The following USP34 variants were observed in gnomAD, a reference collection of about 807,000 sequenced individuals.
The protein encoded by USP34 is ubiquitin specific peptidase 34, also known as ubiquitin carboxyl-terminal hydrolase 34.
Under a neutral mutation model 460.3 loss-of-function variants are expected in USP34, and 70 were observed. That is an observed-to-expected ratio of 0.15 (90% CI 0.13 to 0.19). The LOEUF (loss-of-function observed/expected upper bound fraction) is 0.19. USP34 is among the 10% of genes least tolerant of loss of function. The pLI is 1.00. For synonymous variants in USP34, 1,647 were observed against 1,405.3 expected (o/e 1.17, Z -3.85); for missense variants, 3,985 against 4,236.2 (o/e 0.94, Z 1.65).
chr2:61,348,485 A>G lies in USP34; in HGVS notation c.1675-5T>C, dbSNP rs1266909563. On this transcript the variant is annotated splice_polypyrimidine_tract_variant and splice_region_variant and intron_variant, in intron 14 of 79. Transcript: ENST00000398571. ...AGAACTTCCCTGCATGGATTCCTGTATTTTGAAACAAATAGATTTAAATAA... is the reference window on the plus strand; with the variant it reads ...AGAACTTCCCTGCATGGATTCCTGTGTTTTGAAACAAATAGATTTAAATAA... The G allele has an allele frequency of 3.1e-6, 5 of 1,603,520 alleles. No homozygotes were observed. The East Asian group carries it at 6.7e-5, about 21-fold the overall frequency.
chr2:61,212,338 C>T (rs957201975), intron 68 of USP34, among the ~76,000 whole-genome samples: 2 of 152,202 alleles, frequency 1.3e-5, no homozygotes, highest in East Asian at 3.8e-4. Flanking sequence ...GCTTAAAGCA[C>T]TACTTTTGTA....
Position 61,190,574 on chromosome 2 carries a change from T to C in USP34, c.9673A>G (p.Arg3225Gly). The C allele has an allele frequency of 6.2e-7, 1 of 1,614,144 alleles. No homozygotes were observed. The highest frequency in any genetic ancestry group is 8.5e-7 in the Non-Finnish European group (1 of 1,180,002). ...EYIKCILMDE[R>G]TFLNNNIVYT... ...ACAATGTTGTTGTTTAAAAAAGTTCTTTCATCCATTAGGATACATTTAATA... is the reference window on the plus strand; with the variant it reads ...ACAATGTTGTTGTTTAAAAAAGTTCCTTCATCCATTAGGATACATTTAATA... The change falls in exon 77 of 80, where the codon AGA (arginine) becomes GGA (glycine). Residue 3225 changes from arginine to glycine, a missense_variant. Coordinates refer to ENST00000398571, the MANE Select transcript of USP34 (RefSeq NM_014709.4).
chr2:61,284,986 T>C (rs751084781), intron 34 of USP34, 29 bp from the exon 35 acceptor site: 6 of 1,555,278 alleles, frequency 3.9e-6, no homozygotes, highest in Admixed American at 1.8e-5. Flanking sequence ...TTAAAAGATA[T>C]TTAAATACAG....
chr2:61,459,680 G>C (rs1289964179), intron 1 of USP34, among the ~76,000 whole-genome samples: 1 of 151,802 alleles, frequency 6.6e-6, no homozygotes, highest in Non-Finnish European at 1.5e-5. Flanking sequence ...AGGAGGCTGA[G>C]GCAGGAGAAT....
rs763955445 is a variant in USP34, at chr2:61,221,549, G to A, written c.7852C>T (p.Pro2618Ser). 1 of 1,614,112 alleles carries A rather than the reference G, an allele frequency of 6.2e-7. No individual in the cohort carries two copies. The highest frequency in any genetic ancestry group is 2.2e-5 in the East Asian group (1 of 44,870). ...TMLMEFAGGP[P>S]GMPPFASYIL... ...TAAGATGCAAAGGGAGGCATTCCTG[G>A]AGGTCCACCAGCAAACTCCATTAGC... The change falls in exon 66 of 80, where the codon CCA (proline) becomes TCA (serine). Residue 2618 changes from proline (P) to serine (S), a missense_variant. By Grantham distance (74) the Pro-to-Ser change is moderately conservative. This residue lies in a region of USP34 where 604 missense variants were observed against 684.8 expected (regional missense o/e 0.88). Transcript: ENST00000398571.
chr2:61,300,499 C>G (rs1234698166), intron 29 of USP34, among the ~76,000 whole-genome samples: 2 of 147,972 alleles, frequency 1.4e-5, no homozygotes, highest in Non-Finnish European at 3.0e-5. Context: ...TTTTACTACT[C>G]TTAAAAGATT....
At chr2:61,430,634 TTTAG>T (rs1196518926) in intron 1 of USP34, among the ~76,000 whole-genome samples, 1 of 152,210 alleles carries the variant, frequency 6.6e-6, no homozygotes, top group African/African-American at 2.4e-5. Flanking sequence ...TATATAACAA[TTTAG>T]TTAATTTTTA....
chr2:61,383,440 C>A, intron 5 of USP34, 104 bp from the exon 6 acceptor site: 1 of 784,846 alleles, frequency 1.3e-6, no homozygotes, highest in African/African-American at 1.8e-5. Flanking sequence ...CACGGTCGCT[C>A]ACGCCTGTAA....
intron 57 of USP34, among the ~76,000 whole-genome samples, chr2:61,233,572 T>A (rs762890512): frequency 4.6e-5 from 7 of 152,106 alleles, no homozygotes; most frequent in Non-Finnish European, 8.8e-5. Context: ...ATGCCTGTAA[T>A]CTCAGCACTC....
intron 3 of USP34, among the ~76,000 whole-genome samples, chr2:61,401,197 T>C (rs1471697645): frequency 6.6e-6 from 1 of 151,424 alleles, no homozygotes; most frequent in African/African-American, 2.4e-5. Flanking sequence ...CATGTATATA[T>C]TTCATCTGTC....
intron 1 of USP34, among the ~76,000 whole-genome samples, chr2:61,421,795 A>ACG (rs1191167275): frequency 1.0e-3 from 148 of 143,574 alleles, no homozygotes; most frequent in East Asian, 9.8e-3. Flanking sequence ...ACACACACAC[A>ACG]CACGCGCGCG....
chr2:61,457,711 G>A (rs1695478914), intron 1 of USP34, among the ~76,000 whole-genome samples: 1 of 152,052 alleles, frequency 6.6e-6, no homozygotes, highest in Non-Finnish European at 1.5e-5. Context: ...AAATAAGCAA[G>A]CAAGTTGGGT....
rs140166751 is a variant in USP34, at chr2:61,365,447, T to C, written c.1251+4874A>G. On this transcript the variant is annotated intron_variant, in intron 10 of 79. Transcript: ENST00000398571. ...AGACAAACCACATGAGAGAAAAACC[T>C]TGCCAGCAGGAAATGAGGAGAACAT... 3.4e-3 allele frequency among the ~76,000 whole-genome samples: 511 copies of C among 152,062 alleles called. 2 individuals are homozygous for C. Among genetic ancestry groups the C allele is most frequent in the African/African-American group, 0.011 (439 of 41,494 alleles).
Position 61,266,113 on chromosome 2 carries a change from G to A in USP34, c.5488C>T (p.Arg1830Ter). 1 of 1,613,660 alleles carries A rather than the reference G, an allele frequency of 6.2e-7. No individual in the cohort carries two copies. The highest frequency in any genetic ancestry group is 8.5e-7 in the Non-Finnish European group (1 of 1,179,736). The part of the protein sequence containing the change: ...LLFLLPSLKD[R>*]QQPKCKSHSS... ...TGTGATTTGCACTTTGGCTGTTGTC[G>A]GTCCTTTAGACTTGGCAACAAAAAC... Residue 1830 changes from arginine to a stop codon, truncating the protein, a stop_gained, in exon 42 of 80, where the codon CGA becomes TGA. Coordinates refer to ENST00000398571, the MANE Select transcript of USP34 (RefSeq NM_014709.4). LOFTEE classifies it high-confidence loss of function.
rs367916658 is a variant in USP34, at chr2:61,217,333, A to G, written c.8048-2639T>C. Reference sequence around the variant, plus strand: ...TCTATATGGCAACTCTAAGACACTAATGTCTCAATTTTTCTTTTCTCTATA... The same window carrying G: ...TCTATATGGCAACTCTAAGACACTAGTGTCTCAATTTTTCTTTTCTCTATA... On this transcript the variant is annotated intron_variant, in intron 67 of 79. Coordinates refer to ENST00000398571, the MANE Select transcript of USP34 (RefSeq NM_014709.4). 2.0e-5 allele frequency among the ~76,000 whole-genome samples: 3 copies of G among 152,282 alleles called. No individual in the cohort carries two copies. In the South Asian group the frequency reaches 6.2e-4, roughly 32 times the overall value.
chr2:61,283,510 A>G (rs1188831063), intron 35 of USP34, 61 bp from the exon 36 acceptor site: 35 of 1,523,440 alleles, frequency 2.3e-5, no homozygotes, highest in Non-Finnish European at 2.1e-5. Context: ...AAATAATTCA[A>G]TTTATTAACA....
intron 29 of USP34, among the ~76,000 whole-genome samples, chr2:61,300,631 A>T (rs1410196897): frequency 6.6e-6 from 1 of 151,518 alleles, no homozygotes; most frequent in Admixed American, 6.6e-5. Flanking sequence ...CCCCATCTCT[A>T]CTAGAAATGC....
intron 1 of USP34, among the ~76,000 whole-genome samples, chr2:61,448,913 G>A (rs997732456): frequency 1.3e-5 from 2 of 152,208 alleles, no homozygotes; most frequent in East Asian, 1.9e-4. Context: ...TCAGCACTCT[G>A]GGAGGCCAAG....
intron 1 of USP34, among the ~76,000 whole-genome samples, chr2:61,457,435 C>T (rs1265155088): frequency 6.6e-6 from 1 of 152,188 alleles, no homozygotes; most frequent in Non-Finnish European, 1.5e-5. Flanking sequence ...AGACGGCCTA[C>T]TTATAGCTTT....
Sources: gnomAD v4.1 joint callset for allele counts (sites outside exome capture counted in the v4.1 genomes callset) on GRCh38, gnomAD v4.1.1 for gene constraint, gnomAD v4.1.1 regional missense constraint, MANE v1.5 for transcripts, NCBI Gene and HGNC (gene_info 2026-07-23, HGNC 2026-07-21) for gene names.